Variants in SV2C observed in about 807,000 individuals in gnomAD.
SV2C encodes the protein synaptic vesicle glycoprotein 2C, also known as solute carrier family 22 member B3.
In SV2C, 49 loss-of-function variants were observed where a neutral mutation model predicts 79.7. That is an observed-to-expected ratio of 0.61 (90% CI 0.49 to 0.78). The LOEUF (loss-of-function observed/expected upper bound fraction) is 0.78, where lower values mean the gene tolerates loss of function less well. Among genes scored for constraint, SV2C ranks in the 30% least tolerant of loss-of-function variants. The pLI is 0.00. For synonymous variants in SV2C, 334 were observed against 333.2 expected, an observed-to-expected ratio of 1.00 and a Z score of -0.03; for missense variants, 833 against 912.9, an observed-to-expected ratio of 0.91 and a Z score of 1.13.
chr5:76,165,304 C>A (rs1473927786), intron 2 of SV2C, among the ~76,000 whole-genome samples: 2 of 152,188 alleles, frequency 1.3e-5, no homozygotes, highest in Non-Finnish European at 2.9e-5. Flanking sequence ...ACTATTAACT[C>A]AAATACAGAC....
At chr5:76,161,912 A>G (rs1004848922) in intron 2 of SV2C, among the ~76,000 whole-genome samples, 1 of 152,170 alleles carries the variant, frequency 6.6e-6, no homozygotes, top group Non-Finnish European at 1.5e-5. Flanking sequence ...AAAATCCAGG[A>G]CAGAAACAAT....
rs1749227655 is a variant in SV2C, at chr5:76,332,916, A to G, written c.*7369A>G. The G allele has an allele frequency of 6.6e-6, 1 of 152,242 alleles. No individual in the cohort carries two copies. Among genetic ancestry groups the G allele is most frequent in the Admixed American group, 6.5e-5 (1 of 15,286 alleles). The allele number at this position is 152,242 out of a possible 1,614,324, so 9.4% of individuals were successfully genotyped here. ...TCCAAGGAAGGGGAAAGACTTAGCA[A>G]GCTCAACCTCATGTGATTCACAAAG... On this transcript the variant is annotated 3_prime_UTR_variant, in exon 13 of 13. Transcript: ENST00000502798.
intron 2 of SV2C, among the ~76,000 whole-genome samples, chr5:76,191,481 G>C (rs1310257845): frequency 2.0e-5 from 3 of 152,134 alleles, no homozygotes; most frequent in African/African-American, 7.2e-5. Context: ...ACTAAAAGTT[G>C]GTATGAGAAA....
At chr5:75,956,425 T>C in the SV2C span, among the ~76,000 whole-genome samples, 1 of 146,316 alleles carries the variant, frequency 6.8e-6, no homozygotes, top group Non-Finnish European at 1.5e-5. Context: ...AGGGATGGCA[T>C]TGGGAGATAT....
At chr5:75,984,773 C>T in the SV2C span, among the ~76,000 whole-genome samples, 2 of 152,022 alleles carry the variant, frequency 1.3e-5, no homozygotes, top group South Asian at 2.1e-4. Flanking sequence ...CTTTCAGACT[C>T]GAACTGAAGC....
chr5:76,111,006 A>G (rs1049089643), intron 1 of SV2C, among the ~76,000 whole-genome samples: 2 of 152,236 alleles, frequency 1.3e-5, no homozygotes, highest in African/African-American at 4.8e-5. Context: ...TACCCTAGGT[A>G]CTTATGAGGA....
chr5:76,125,257 C>T (rs1274186385), intron 1 of SV2C, among the ~76,000 whole-genome samples: 1 of 152,066 alleles, frequency 6.6e-6, no homozygotes, highest in Non-Finnish European at 1.5e-5. Flanking sequence ...TAAGCAATTA[C>T]ATTTGGAAAA....
intron 4 of SV2C, among the ~76,000 whole-genome samples, chr5:76,217,630 C>T (rs993907800): frequency 1.3e-5 from 2 of 152,076 alleles, no homozygotes; most frequent in African/African-American, 4.8e-5. Flanking sequence ...GCTATCAGGT[C>T]ATCCTACATG....
intron 12 of SV2C, among the ~76,000 whole-genome samples, chr5:76,351,774 G>A (rs1749646484): frequency 6.6e-6 from 1 of 152,200 alleles, no homozygotes; most frequent in African/African-American, 2.4e-5. Context: ...TCCAACTATA[G>A]TGCTAGCCAG....
the SV2C span, among the ~76,000 whole-genome samples, chr5:75,855,787 T>A: frequency 6.6e-6 from 1 of 152,334 alleles, no homozygotes; most frequent in East Asian, 1.9e-4. Flanking sequence ...GCATTTATCC[T>A]TTGAATTACA....
At chr5:76,349,036 T>A (rs1387543128) in intron 12 of SV2C, among the ~76,000 whole-genome samples, 1 of 151,734 alleles carries the variant, frequency 6.6e-6, no homozygotes, top group Non-Finnish European at 1.5e-5. Flanking sequence ...AGAGCCAAAT[T>A]TCCTGGGTCC....
the SV2C span, among the ~76,000 whole-genome samples, chr5:75,928,796 A>G: frequency 6.6e-6 from 1 of 152,118 alleles, no homozygotes; most frequent in South Asian, 2.1e-4. Context: ...TCCTCTCTCC[A>G]TCTTCCACTC....
chr5:76,098,711 TAATC>T (rs1369122958), intron 1 of SV2C, among the ~76,000 whole-genome samples: 1 of 152,094 alleles, frequency 6.6e-6, no homozygotes, highest in African/African-American at 2.4e-5. Flanking sequence ...AAACAACAAA[TAATC>T]AAACAATAAA....
At chr5:75,881,517 C>T in the SV2C span, among the ~76,000 whole-genome samples, 1 of 152,104 alleles carries the variant, frequency 6.6e-6, no homozygotes, top group South Asian at 2.1e-4. Context: ...CTTCACATCC[C>T]TTGTAAGTTG....
At chr5:76,148,810 T>A (rs1749514294) in intron 2 of SV2C, among the ~76,000 whole-genome samples, 1 of 152,208 alleles carries the variant, frequency 6.6e-6, no homozygotes, top group African/African-American at 2.4e-5. Flanking sequence ...ACAGCCTACT[T>A]GCCATTGTTG....
chr5:75,948,209 A>T, the SV2C span, among the ~76,000 whole-genome samples: 1 of 152,058 alleles, frequency 6.6e-6, no homozygotes, highest in Non-Finnish European at 1.5e-5. Context: ...ACTGCACCTT[A>T]CATCCATGGA....
chr5:76,051,731 T>C, the SV2C span, among the ~76,000 whole-genome samples: 4 of 152,108 alleles, frequency 2.6e-5, no homozygotes, highest in African/African-American at 9.7e-5. Flanking sequence ...AAACAAAATA[T>C]ATCAAAATAG....
chr5:76,185,366 G>A (rs1302745014), intron 2 of SV2C, among the ~76,000 whole-genome samples: 1 of 152,244 alleles, frequency 6.6e-6, no homozygotes, highest in South Asian at 2.1e-4. Context: ...GTTAGGCAGT[G>A]CCACAGTGGG....
rs1473453173 is a variant in SV2C at position 76,130,528 on chromosome 5, T to C, written c.-101-1122T>C. Among the ~76,000 whole-genome samples the C allele has an allele frequency of 2.0e-5, 3 of 152,192 alleles. No individual in the cohort carries two copies. In the East Asian group the frequency reaches 5.8e-4, roughly 29 times the overall value. On this transcript the variant is annotated intron_variant, in intron 1 of 12. Coordinates refer to ENST00000502798, the MANE Select transcript of SV2C (RefSeq NM_014979.4). ...CAATGTTTGGAATGCTGCCATAGCT[T>C]AAGGCTTGGGGAGTTAATGATGGGG... is the stretch of plus-strand genomic sequence containing the variant.
Sources: gnomAD v4.1 joint callset for allele counts (sites outside exome capture counted in the v4.1 genomes callset) on GRCh38, gnomAD v4.1.1 for gene constraint, MANE v1.5 for transcripts, NCBI Gene and HGNC (gene_info 2026-07-23, HGNC 2026-07-21) for gene names.